Variants in MAGI2 observed in about 807,000 individuals in gnomAD.
The protein encoded by MAGI2 is membrane associated guanylate kinase, WW and PDZ domain containing 2.
A neutral mutation model predicts 133.3 loss-of-function variants in MAGI2; 35 were observed. The observed-to-expected ratio is 0.26, with a 90% CI of 0.20 to 0.35. The LOEUF is 0.35. Ranked by LOEUF, MAGI2 falls within the 10% of genes least tolerant of loss-of-function variation. The probability of loss-of-function intolerance (pLI) is 1.00; values close to 1 mark genes in which losing one functional copy is unlikely to be tolerated. For synonymous variants in MAGI2, 729 were observed against 710.6 expected, an observed-to-expected ratio of 1.03 and a Z score of -0.41; for missense variants, 1,636 against 1,863.4, an observed-to-expected ratio of 0.88 and a Z score of 2.25.
chr7:78,709,041 A>G (rs544749895), intron 2 of MAGI2, among the ~76,000 whole-genome samples: 1 of 152,228 alleles, frequency 6.6e-6, no homozygotes, highest in Admixed American at 6.5e-5. Context: ...TACTTCTGCA[A>G]AAGATTCTTA....
chr7:78,169,315 T>C (rs1825901324), intron 14 of MAGI2, among the ~76,000 whole-genome samples: 1 of 152,260 alleles, frequency 6.6e-6, no homozygotes, highest in Non-Finnish European at 1.5e-5. Flanking sequence ...CAGCAGCTGA[T>C]GGCAGTGGTT....
At chr7:79,158,919 C>G (rs563060313) in intron 1 of MAGI2, among the ~76,000 whole-genome samples, 18 of 151,852 alleles carry the variant, frequency 1.2e-4, no homozygotes, top group African/African-American at 4.3e-4. Context: ...TTTTAATGTT[C>G]TTATTAAATA....
chr7:78,125,724 A>G lies in MAGI2; in HGVS notation c.3537T>C (p.Asp1179=), dbSNP rs768307913. Residue 1179 remains aspartate (D), a synonymous_variant, in exon 20 of 22, where the codon GAT becomes GAC. Transcript: ENST00000354212. ...MDLYVLRLAE[D]GPAIRNGRMR... The stretch of plus-strand genomic sequence containing the variant: ...TCCTCCCATTCCTTATTGCTGGTCC[A>G]TCTTCTGCCAGTCTCAACACATACA... 4 of 1,614,144 alleles carry G rather than the reference A, an allele frequency of 2.5e-6. No homozygotes were observed. The highest frequency in any genetic ancestry group is 2.2e-5 in the South Asian group (2 of 91,080).
At chr7:78,372,851 G>C (rs117999214) in intron 6 of MAGI2, among the ~76,000 whole-genome samples, 8,193 of 152,060 alleles carry the variant, frequency 0.054, 320 homozygotes, top group South Asian at 0.095. Flanking sequence ...TTAATCTTTA[G>C]TCAGCTACAC....
intron 2 of MAGI2, among the ~76,000 whole-genome samples, chr7:78,730,571 T>C (rs73152427): frequency 0.044 from 6,729 of 152,250 alleles, 221 homozygotes; most frequent in Non-Finnish European, 0.068. Context: ...TGCAGAACTT[T>C]AGAAGTCATT....
chr7:78,819,997 G>A (rs1789947527), intron 2 of MAGI2, among the ~76,000 whole-genome samples: 1 of 151,920 alleles, frequency 6.6e-6, no homozygotes, highest in Non-Finnish European at 1.5e-5. Context: ...GTAGTTTTCA[G>A]CTAAGTCCAT....
intron 8 of MAGI2, 79 bp downstream of exon 8, chr7:78,345,843 C>T: frequency 6.3e-7 from 1 of 1,579,330 alleles, no homozygotes. Flanking sequence ...ATGGTCCAAG[C>T]TACAGACATA....
intron 3 of MAGI2, among the ~76,000 whole-genome samples, chr7:78,522,479 A>G (rs1290359195): frequency 6.6e-6 from 1 of 152,128 alleles, no homozygotes; most frequent in Non-Finnish European, 1.5e-5. Flanking sequence ...CCTAGGTTCA[A>G]GCAATTCTTG....
intron 7 of MAGI2, chr7:78,351,663 TC>T (rs1265370962): frequency 6.6e-6 from 1 of 152,062 alleles, no homozygotes; most frequent in Non-Finnish European, 1.5e-5. Flanking sequence ...TGTTACCAAC[TC>T]CCATCTGAAC....
intron 1 of MAGI2, among the ~76,000 whole-genome samples, chr7:79,013,021 C>T (rs1295158158): frequency 6.6e-6 from 1 of 152,046 alleles, no homozygotes; most frequent in Non-Finnish European, 1.5e-5. Flanking sequence ...AATGTAATCA[C>T]CATGGGGGTT....
intron 12 of MAGI2, among the ~76,000 whole-genome samples, chr7:78,187,227 C>A (rs1428560770): frequency 6.6e-6 from 1 of 152,134 alleles, no homozygotes; most frequent in Non-Finnish European, 1.5e-5. Context: ...ACTCCTCCCA[C>A]ACATTTAGGC....
chr7:78,764,553 CCCA>C lies in MAGI2; in HGVS notation c.419-137317_419-137315del, dbSNP rs1824821869. Among the ~76,000 whole-genome samples the C allele has an allele frequency of 2.6e-5, 4 of 152,144 alleles. No homozygotes were observed. The South Asian group carries it at 8.3e-4, about 32-fold the overall frequency. On this transcript the variant is annotated intron_variant, in intron 2 of 21. Coordinates refer to ENST00000354212, the MANE Select transcript of MAGI2 (RefSeq NM_012301.4). The stretch of plus-strand genomic sequence containing the variant: ...ATTGACCATTTAATGATTTTTTCCC[CCCA>C]TCCCAAATGTTAAACAGTTCTTCTT...
intron 10 of MAGI2, chr7:78,253,906 T>C (rs1016448472): frequency 5.3e-5 from 8 of 152,194 alleles, no homozygotes; most frequent in South Asian, 2.1e-4. Context: ...CATAATAAGA[T>C]AAAGTGAATT....
intron 6 of MAGI2, among the ~76,000 whole-genome samples, chr7:78,405,206 T>C (rs1190844367): frequency 6.6e-6 from 1 of 152,116 alleles, no homozygotes; most frequent in East Asian, 1.9e-4. Flanking sequence ...TAACAAGCAC[T>C]ACTTACATAC....
At chr7:78,477,221 CAG>C (rs1159291903) in intron 6 of MAGI2, among the ~76,000 whole-genome samples, 2 of 151,928 alleles carry the variant, frequency 1.3e-5, no homozygotes, top group Non-Finnish European at 2.9e-5. Context: ...GTGTGATTGA[CAG>C]AGACTCACAT....
chr7:78,146,118 T>G (rs1286912298), intron 16 of MAGI2, among the ~76,000 whole-genome samples: 1 of 152,172 alleles, frequency 6.6e-6, no homozygotes, highest in Non-Finnish European at 1.5e-5. Flanking sequence ...TTTATTATTT[T>G]AAACATAAAA....
At chr7:79,308,565 C>A (rs1314927864) in intron 1 of MAGI2, among the ~76,000 whole-genome samples, 5 of 152,142 alleles carry the variant, frequency 3.3e-5, no homozygotes, top group African/African-American at 1.2e-4. Context: ...TTCATGTCCA[C>A]AAACAAATAA....
rs567294557 is a variant in MAGI2, at chr7:78,959,320, T to C, written c.418+47770A>G. On this transcript the variant is annotated intron_variant, in intron 2 of 21. Coordinates refer to ENST00000354212, the MANE Select transcript of MAGI2 (RefSeq NM_012301.4). ...CTAAAATGGCATTGTTCTTCAGGAG[T>C]TAAGCATTGTAGTGTGCTGCCAAAC... is the stretch of plus-strand genomic sequence containing the variant. Among the ~76,000 whole-genome samples the C allele has an allele frequency of 1.0e-3, 152 of 152,212 alleles. No homozygotes were observed. In the Middle Eastern group the frequency reaches 0.01, roughly 10 times the overall value.
At chr7:78,737,585 A>G (rs1443578169) in intron 2 of MAGI2, among the ~76,000 whole-genome samples, 3 of 152,196 alleles carry the variant, frequency 2.0e-5, no homozygotes, top group Admixed American at 1.3e-4. Flanking sequence ...TTCAACCAAT[A>G]TAACATATTG....
Sources: allele counts gnomAD v4.1 joint callset (sites outside exome capture counted in the v4.1 genomes callset), GRCh38; gene constraint gnomAD v4.1.1; transcripts MANE v1.5; gene names NCBI Gene and HGNC (gene_info 2026-07-23, HGNC 2026-07-21).